Variants in STK4 observed in about 807,000 individuals in gnomAD.
STK4 encodes serine/threonine kinase 4.
Under a neutral mutation model 64.9 loss-of-function variants are expected in STK4, and 30 were observed. The observed-to-expected ratio is 0.46, with a 90% confidence interval of 0.35 to 0.63. The LOEUF (loss-of-function observed/expected upper bound fraction) is 0.63, where lower values mean the gene tolerates loss of function less well. Ranked by LOEUF, STK4 falls within the 20% of genes least tolerant of loss-of-function variation. The pLI, the probability that STK4 is intolerant of heterozygous loss-of-function variation, is 0.01. For missense variants in STK4, 466 were observed against 598.5 expected, an observed-to-expected ratio of 0.78 and a Z score of 2.31; for synonymous variants, 177 against 199.0, an observed-to-expected ratio of 0.89 and a Z score of 0.93.
intron 9 of STK4, among the ~76,000 whole-genome samples, chr20:45,019,324 T>C (rs1266255273): frequency 1.3e-5 from 2 of 152,326 alleles, no homozygotes; most frequent in Non-Finnish European, 2.9e-5. Context: ...ATGGCGTCTT[T>C]CATTTTGCAT....
At chr20:45,072,225 T>G (rs1980129184) in intron 10 of STK4, among the ~76,000 whole-genome samples, 1 of 152,206 alleles carries the variant, frequency 6.6e-6, no homozygotes, top group Non-Finnish European at 1.5e-5. Flanking sequence ...GAAAGACTTC[T>G]GAGATCATCT....
intron 10 of STK4, chr20:45,053,109 T>G: frequency 1.9e-6 from 3 of 1,612,714 alleles, no homozygotes; most frequent in Non-Finnish European, 2.5e-6. Flanking sequence ...AACAGCAGTC[T>G]GGAAAAGACA....
At chr20:45,026,819 T>G (rs2068356558) in intron 10 of STK4, among the ~76,000 whole-genome samples, 1 of 152,330 alleles carries the variant, frequency 6.6e-6, no homozygotes, top group East Asian at 1.9e-4. Flanking sequence ...ATTCTCCTCT[T>G]CTAGGCCTTT....
intron 10 of STK4, among the ~76,000 whole-genome samples, chr20:45,048,762 G>T (rs760749425): frequency 1.3e-5 from 2 of 152,066 alleles, no homozygotes; most frequent in Non-Finnish European, 2.9e-5. Flanking sequence ...AATTACAGGC[G>T]TGAGCCACCA....
At chr20:45,063,722 T>A (rs1979302175) in intron 10 of STK4, among the ~76,000 whole-genome samples, 1 of 152,232 alleles carries the variant, frequency 6.6e-6, no homozygotes, top group African/African-American at 2.4e-5. Context: ...TTTTATAGTT[T>A]TAGATTTTAC....
At chr20:45,033,776 C>T (rs1393851531) in intron 10 of STK4, among the ~76,000 whole-genome samples, 1 of 152,130 alleles carries the variant, frequency 6.6e-6, no homozygotes, top group East Asian at 1.9e-4. Context: ...GATGGGGTTT[C>T]ACCATGTTGG....
chr20:45,068,575 T>C (rs190154717), intron 10 of STK4, among the ~76,000 whole-genome samples: 34 of 152,338 alleles, frequency 2.2e-4, no homozygotes, highest in African/African-American at 8.2e-4. Flanking sequence ...CCATCTGATG[T>C]ATCTAATATC....
At chr20:45,074,157 G>T (rs1980315661) in intron 10 of STK4, among the ~76,000 whole-genome samples, 1 of 152,164 alleles carries the variant, frequency 6.6e-6, no homozygotes. Flanking sequence ...CATTGGGCAG[G>T]TTACTTAGCT....
chr20:44,973,723 C>T (rs1239736548), intron 2 of STK4, among the ~76,000 whole-genome samples: 3 of 152,202 alleles, frequency 2.0e-5, no homozygotes, highest in Non-Finnish European at 4.4e-5. Flanking sequence ...AAGCAAATTG[C>T]TTACTATTTT....
chr20:45,050,145 C>T (rs1333890536), intron 10 of STK4, among the ~76,000 whole-genome samples: 1 of 152,174 alleles, frequency 6.6e-6, no homozygotes, highest in Non-Finnish European at 1.5e-5. Context: ...GTGCTCGTGC[C>T]ATGGCTACAG....
chr20:45,038,822 T>G (rs2145414580), intron 10 of STK4, among the ~76,000 whole-genome samples: 1 of 152,206 alleles, frequency 6.6e-6, no homozygotes, highest in Admixed American at 6.5e-5. Context: ...AATTATACAT[T>G]AATGTAGTTT....
rs1286150511 is a variant in STK4 at position 45,077,768 on chromosome 20, C to A, written c.*2592C>A. On this transcript the variant is annotated 3_prime_UTR_variant, in exon 11 of 11. Transcript: ENST00000372806. The stretch of plus-strand genomic sequence containing the variant: ...CATTTTCTCCCTTCCTAAGCTAGAT[C>A]CAAATAAAAGAAAGTTCAGTTTTCC... 1 of 152,140 alleles carries A rather than the reference C, an allele frequency of 6.6e-6. No individual in the cohort carries two copies. The highest frequency in any genetic ancestry group is 6.5e-5 in the Admixed American group (1 of 15,280). 9.4% of individuals were successfully genotyped at this position (152,140 alleles called of 1,614,324 possible). A position where few individuals can be genotyped will look rare whatever the true frequency, so the allele number is the denominator to read the frequency against.
chr20:45,024,304 G>GT (rs371930369), intron 9 of STK4, among the ~76,000 whole-genome samples: 4,063 of 143,624 alleles, frequency 0.028, 156 homozygotes, highest in African/African-American at 0.089. Flanking sequence ...TTTTCCCCTA[G>GT]TTTTTTTTTT....
intron 9 of STK4, among the ~76,000 whole-genome samples, chr20:45,014,858 A>G (rs941564257): frequency 2.6e-5 from 4 of 152,164 alleles, no homozygotes; most frequent in Non-Finnish European, 5.9e-5. Context: ...TTGGACTACT[A>G]ATTGAAAGAA....
At chr20:44,987,017 C>A in intron 4 of STK4, 115 bp from the exon 5 acceptor site, 1 of 823,122 alleles carries the variant, frequency 1.2e-6, no homozygotes, top group Non-Finnish European at 1.8e-6. Flanking sequence ...AAATGCTGTT[C>A]ACAGGTTGAA....
At chr20:45,018,954 A>T (rs539180780) in intron 9 of STK4, among the ~76,000 whole-genome samples, 1 of 152,028 alleles carries the variant, frequency 6.6e-6, no homozygotes, top group Non-Finnish European at 1.5e-5. Flanking sequence ...CTAGTCTCGA[A>T]CTCGTGGCCT....
intron 10 of STK4, among the ~76,000 whole-genome samples, chr20:45,026,346 T>G (rs183681997): frequency 6.6e-6 from 1 of 150,682 alleles, no homozygotes; most frequent in Non-Finnish European, 1.5e-5. Context: ...TGTGTGTGTG[T>G]GTGCATAGTT....
intron 10 of STK4, among the ~76,000 whole-genome samples, chr20:45,054,577 T>TTAA (rs1568758959): frequency 1.6e-5 from 2 of 125,538 alleles, no homozygotes; most frequent in African/African-American, 3.0e-5. Context: ...TTTTTTTTTT[T>TTAA]CAAAAAAAAA....
intron 9 of STK4, among the ~76,000 whole-genome samples, chr20:45,018,273 G>T (rs1026336036): frequency 3.3e-5 from 5 of 152,122 alleles, no homozygotes; most frequent in Admixed American, 3.3e-4. Flanking sequence ...AAAAAATCAG[G>T]CTCTGCCCAG....
Sources: gnomAD v4.1 joint callset for allele counts (sites outside exome capture counted in the v4.1 genomes callset) on GRCh38, gnomAD v4.1.1 for gene constraint, MANE v1.5 for transcripts, NCBI Gene and HGNC (gene_info 2026-07-23, HGNC 2026-07-21) for gene names.